The following CHD2 variants were observed in gnomAD, a reference collection of about 807,000 sequenced individuals.
The protein encoded by CHD2 is ATP-dependent chromatin remodeler CHD2.
CHD2 carries 28 observed loss-of-function variants against 243.9 expected under a neutral mutation model. That is an observed-to-expected ratio of 0.11 (90% CI 0.09 to 0.16). CHD2 has a LOEUF of 0.16. Among genes scored for constraint, CHD2 ranks in the 10% least tolerant of loss-of-function variants. The pLI is 1.00. For missense variants in CHD2, 1,386 were observed against 2,209.8 expected (o/e 0.63, Z 7.47); for synonymous variants, 775 against 779.0 (o/e 0.99, Z 0.09).
At chr15:93,008,085 G>C (rs988963654) in intron 34 of CHD2, among the ~76,000 whole-genome samples, 2 of 152,230 alleles carry the variant, frequency 1.3e-5, no homozygotes, top group Non-Finnish European at 2.9e-5. Flanking sequence ...ACTTCTGACA[G>C]ATAGTCAGGA....
chr15:93,012,070 T>C (rs200533789), intron 35 of CHD2, among the ~76,000 whole-genome samples: 1 of 152,216 alleles, frequency 6.6e-6, no homozygotes, highest in East Asian at 1.9e-4. Context: ...TCACATAACG[T>C]TGTTTCCTTC....
intron 13 of CHD2, among the ~76,000 whole-genome samples, chr15:92,951,193 C>G (rs1043301340): frequency 2.0e-5 from 3 of 151,902 alleles, no homozygotes; most frequent in African/African-American, 7.3e-5. Context: ...TTTTTTGAGA[C>G]TGAGTTTTGC....
intron 13 of CHD2, chr15:92,949,322 C>T: frequency 9.9e-7 from 1 of 1,013,796 alleles, no homozygotes; most frequent in Non-Finnish European, 1.3e-6. Flanking sequence ...GGTAATTTGT[C>T]ATAGCCAGAA....
chr15:92,931,144 C>G (rs938643263), intron 5 of CHD2, among the ~76,000 whole-genome samples: 3 of 152,186 alleles, frequency 2.0e-5, no homozygotes, highest in African/African-American at 7.2e-5. Context: ...TTTCAGAATT[C>G]AGACTCACTC....
In CHD2 at chr15:92,956,605, C is replaced by A; in HGVS notation, c.1956C>A (p.Ser652=). 7 of 1,613,876 alleles carry A rather than the reference C, an allele frequency of 4.3e-6. No individual in the cohort carries two copies. The highest frequency in any genetic ancestry group is 5.9e-6 in the Non-Finnish European group (7 of 1,179,880). The change falls in exon 16 of 39, where the codon TCC becomes TCA. Residue 652 remains serine, a synonymous_variant. Transcript: ENST00000394196. ...LLITGTPLQN[S]LKELWSLLHF... Reference sequence around the variant, plus strand: ...TTACGGGGACCCCTCTTCAGAATTCCCTCAAAGAGCTCTGGTCCTTGCTGC... The same window carrying A: ...TTACGGGGACCCCTCTTCAGAATTCACTCAAAGAGCTCTGGTCCTTGCTGC...
chr15:93,004,405 C>T (rs981363906), intron 33 of CHD2: 5 of 414,178 alleles, frequency 1.2e-5, no homozygotes, highest in African/African-American at 4.1e-5. Context: ...TAATTGGGTA[C>T]ATTTAGAGAT....
In CHD2 at chr15:93,002,212, A is replaced by C; in HGVS notation, c.4173A>C (p.Lys1391Asn). The C allele has an allele frequency of 6.3e-7, 1 of 1,598,078 alleles. No homozygotes were observed. Among genetic ancestry groups the C allele is most frequent in the East Asian group, 2.2e-5 (1 of 44,764 alleles). Residue 1391 changes from lysine to asparagine, a missense_variant, in exon 33 of 39, where the codon AAA becomes AAC. Transcript: ENST00000394196. ...DGLEKSPMKKKQKKKENKENK... is the reference protein window; with the variant it reads ...DGLEKSPMKKNQKKKENKENK... ...TGGAAAAAAGTCCAATGAAAAAAAA[A>C]CAGAAGAAGAAAGAGAACAAGGAGA...
intron 17 of CHD2, among the ~76,000 whole-genome samples, chr15:92,967,762 C>T (rs1044645839): frequency 2.0e-5 from 3 of 151,932 alleles, no homozygotes; most frequent in African/African-American, 7.3e-5. Context: ...CTCCCGACCT[C>T]AGGTGATCCG....
At chr15:93,010,695 A>G (rs1214579696) in intron 35 of CHD2, among the ~76,000 whole-genome samples, 2 of 152,234 alleles carry the variant, frequency 1.3e-5, no homozygotes, top group Non-Finnish European at 2.9e-5. Flanking sequence ...AAATGCTGGG[A>G]TTACAGGCAT....
chr15:92,901,093 G>A, intron 1 of CHD2, 74 bp from the exon 2 acceptor site: 1 of 672,008 alleles, frequency 1.5e-6, no homozygotes, highest in Non-Finnish European at 2.7e-6. Flanking sequence ...CGTTAACATC[G>A]TCAGGACTTT....
At chr15:92,951,627 CTG>C (rs1194181386) in intron 13 of CHD2, among the ~76,000 whole-genome samples, 1 of 152,166 alleles carries the variant, frequency 6.6e-6, no homozygotes, top group African/African-American at 2.4e-5. Flanking sequence ...CTACTGTAGT[CTG>C]TATATGTAGA....
chr15:93,003,150 C>T (rs904895943), intron 33 of CHD2, among the ~76,000 whole-genome samples: 4 of 152,014 alleles, frequency 2.6e-5, no homozygotes, highest in Admixed American at 6.6e-5. Context: ...CTGGGCATTG[C>T]GGCATGTGCC....
rs113832580 is a variant in CHD2, at chr15:92,904,916, T to C, written c.62+3617T>C. ...TAACAGCTGTTTAATACATGGCTCA[T>C]AAACAAAGGGAAGATTATTTGAACT... On this transcript the variant is annotated intron_variant, in intron 2 of 38. Coordinates refer to ENST00000394196, the MANE Select transcript of CHD2 (RefSeq NM_001271.4). 2.6e-5 allele frequency: 40 copies of C among 1,535,908 alleles called. No individual in the cohort carries two copies. In the African/African-American group the frequency reaches 4.0e-4, roughly 15 times the overall value.
intron 16 of CHD2, among the ~76,000 whole-genome samples, chr15:92,962,849 C>T (rs549090983): frequency 2.6e-5 from 4 of 152,116 alleles, no homozygotes; most frequent in African/African-American, 9.6e-5. Context: ...TTGTATGTTC[C>T]TGAGGTATTG....
Position 92,997,179 on chromosome 15 carries a change from T to G in CHD2, c.3735-74T>G. ...TTAGACTTTGTGTAGTTCCATAGTATTTTTACTGTCTCTTCTTTAACATAC... is the reference window on the plus strand; with the variant it reads ...TTAGACTTTGTGTAGTTCCATAGTAGTTTTACTGTCTCTTCTTTAACATAC... On this transcript the variant is annotated intron_variant, in intron 29 of 38. Transcript: ENST00000394196. The surrounding 1 kb of genome is among the most constrained non-coding windows in gnomAD (Gnocchi z 4.1). 1 of 1,607,410 alleles carries G rather than the reference T, an allele frequency of 6.2e-7. No individual in the cohort carries two copies. Among genetic ancestry groups the G allele is most frequent in the Admixed American group, 1.7e-5 (1 of 58,680 alleles).
chr15:92,958,588 A>T (rs934430848), intron 16 of CHD2, among the ~76,000 whole-genome samples: 2 of 152,222 alleles, frequency 1.3e-5, no homozygotes, highest in South Asian at 4.1e-4. Context: ...TTGTCTTATT[A>T]TGAGTTGAAG....
chr15:92,956,406 C>G (rs2053618358), intron 15 of CHD2, 53 bp from the exon 16 acceptor site: 1 of 1,381,610 alleles, frequency 7.2e-7, no homozygotes, highest in Non-Finnish European at 1.0e-6. Flanking sequence ...CTTGAAAGCA[C>G]TTGTGGGTTC....
chr15:92,967,400 G>C lies in CHD2; in HGVS notation c.2076G>C (p.Val692=), dbSNP rs2053779795. 1 of 1,613,604 alleles carries C rather than the reference G, an allele frequency of 6.2e-7. No homozygotes were observed. The change falls in exon 17 of 39, where the codon GTG becomes GTC. Residue 692 remains valine, a synonymous_variant. Transcript: ENST00000394196. The part of the protein sequence containing the change: ...RENGYQSLHK[V]LEPFLLRRVK... ...ATGGCTACCAGAGTCTTCATAAGGT[G>C]CTAGAGCCTTTCCTTCTCCGGAGAG...
intron 18 of CHD2, 41 bp from the exon 19 acceptor site, chr15:92,972,224 G>A: frequency 1.3e-6 from 2 of 1,582,584 alleles, no homozygotes; most frequent in Non-Finnish European, 1.7e-6. Context: ...ATTAAAATTT[G>A]TGTTTCAACA....
Sources: allele counts gnomAD v4.1 joint callset (sites outside exome capture counted in the v4.1 genomes callset), GRCh38; gene constraint gnomAD v4.1.1; non-coding constraint Gnocchi (gnomAD v3.1); transcripts MANE v1.5; gene names NCBI Gene and HGNC (gene_info 2026-07-23, HGNC 2026-07-21).